Variants in SLC9A8 observed in about 807,000 individuals in gnomAD.
SLC9A8 encodes the protein sodium/hydrogen exchanger 8.
In SLC9A8, 48 loss-of-function variants were observed where a neutral mutation model predicts 66.6. The observed-to-expected ratio is 0.72, with a 90% CI of 0.57 to 0.92. SLC9A8 has a LOEUF of 0.92. Among genes scored for constraint, SLC9A8 ranks in the 40% least tolerant of loss-of-function variants. SLC9A8 has a pLI of 0.00. For synonymous variants in SLC9A8, 274 were observed against 282.6 expected (o/e 0.97, Z 0.31); for missense variants, 599 against 747.3 (o/e 0.80, Z 2.31).
chr20:49,888,254 C>G lies in SLC9A8; in HGVS notation c.*318C>G, dbSNP rs1031986160. On this transcript the variant is annotated 3_prime_UTR_variant, in exon 16 of 16. Transcript: ENST00000361573. The stretch of plus-strand genomic sequence containing the variant: ...TGTGAAGCTAGGGCGCCTACCCCCC[C>G]ACCCGGAGGACCCCTGCGGCCCCCT... 7 of 313,234 alleles carry G rather than the reference C, an allele frequency of 2.2e-5. No homozygotes were observed. Among genetic ancestry groups the G allele is most frequent in the Admixed American group, 4.8e-5 (1 of 20,956 alleles). 19.4% of individuals were successfully genotyped at this position (313,234 alleles called of 1,614,324 possible). A position where few individuals can be genotyped will look rare whatever the true frequency, so the allele number is the denominator to read the frequency against.
chr20:49,834,020 A>G (rs1311911609), intron 3 of SLC9A8, among the ~76,000 whole-genome samples: 1 of 151,658 alleles, frequency 6.6e-6, no homozygotes, highest in Non-Finnish European at 1.5e-5. Flanking sequence ...AGGCTGAGAC[A>G]GGCGGATCAC....
intron 3 of SLC9A8, among the ~76,000 whole-genome samples, chr20:49,831,418 TC>T (rs2087187720): frequency 6.6e-6 from 1 of 150,752 alleles, no homozygotes; most frequent in Non-Finnish European, 1.5e-5. Context: ...TCTCTCTCTC[TC>T]TCTCTCTCTC....
intron 11 of SLC9A8, among the ~76,000 whole-genome samples, chr20:49,875,440 A>G (rs140916816): frequency 0.016 from 2,479 of 152,296 alleles, 32 homozygotes; most frequent in Non-Finnish European, 0.024. Context: ...GAATTTTCCA[A>G]ACTTGTCCAC....
At chr20:49,836,149 A>G (rs1360416963) in intron 3 of SLC9A8, among the ~76,000 whole-genome samples, 3 of 152,184 alleles carry the variant, frequency 2.0e-5, no homozygotes, top group Non-Finnish European at 4.4e-5. Flanking sequence ...TGGACATTTC[A>G]TATAAATGGA....
At chr20:49,835,460 A>G (rs1012613140) in intron 3 of SLC9A8, among the ~76,000 whole-genome samples, 2 of 151,976 alleles carry the variant, frequency 1.3e-5, no homozygotes, top group Non-Finnish European at 2.9e-5. Context: ...ATTCCAGAAC[A>G]TTTTCATTAC....
At chr20:49,835,200 T>G (rs1356504454) in intron 3 of SLC9A8, among the ~76,000 whole-genome samples, 4 of 151,980 alleles carry the variant, frequency 2.6e-5, no homozygotes, top group Non-Finnish European at 5.9e-5. Flanking sequence ...GTTTGTTTTT[T>G]TTTTTGTGAA....
At chr20:49,828,919 A>ATGTG (rs140016053) in intron 3 of SLC9A8, among the ~76,000 whole-genome samples, 93 of 150,644 alleles carry the variant, frequency 6.2e-4, no homozygotes, top group African/African-American at 1.2e-3. Flanking sequence ...CACAGTATAG[A>ATGTG]TGTGTGTGTG....
intron 7 of SLC9A8, 135 bp from the exon 8 acceptor site, chr20:49,855,303 G>A: frequency 1.1e-6 from 1 of 902,090 alleles, no homozygotes; most frequent in East Asian, 2.5e-5. Flanking sequence ...GAAAAAATAC[G>A]CTACCTTCTG....
intron 3 of SLC9A8, among the ~76,000 whole-genome samples, chr20:49,826,951 CT>C (rs937839681): frequency 6.1e-5 from 9 of 147,674 alleles, no homozygotes; most frequent in Non-Finnish European, 9.0e-5. Flanking sequence ...ATTTATTTAT[CT>C]TTTTTTTTTC....
intron 15 of SLC9A8, 43 bp from the exon 16 acceptor site, chr20:49,887,786 T>C: frequency 1.3e-6 from 2 of 1,486,564 alleles, no homozygotes; most frequent in South Asian, 1.3e-5. Flanking sequence ...TCCATGGCCC[T>C]GCCCCTGACG....
At chr20:49,834,353 T>C (rs2087388523) in intron 3 of SLC9A8, among the ~76,000 whole-genome samples, 1 of 74,160 alleles carries the variant, frequency 1.3e-5, no homozygotes, top group African/African-American at 5.8e-5. Flanking sequence ...ATATACTGTA[T>C]ATATATATAT....
Position 49,883,847 on chromosome 20 carries a change from C to A in SLC9A8, c.1272C>A (p.Gly424=). The change falls in exon 14 of 16, where the codon GGC becomes GGA. Residue 424 remains glycine, a splice_region_variant and synonymous_variant. Coordinates refer to ENST00000361573, the MANE Select transcript of SLC9A8 (RefSeq NM_015266.3). ...PKMMFIMWFS[G]LRGAIPYALS... ...CTCACACTGTTTGCTGTCACCCAGGCCTGCGGGGAGCCATCCCCTATGCCC... is the reference window on the plus strand; with the variant it reads ...CTCACACTGTTTGCTGTCACCCAGGACTGCGGGGAGCCATCCCCTATGCCC... 1 of 1,604,206 alleles carries A rather than the reference C, an allele frequency of 6.2e-7. No homozygotes were observed. Among genetic ancestry groups the A allele is most frequent in the Non-Finnish European group, 8.5e-7 (1 of 1,179,172 alleles).
chr20:49,886,625 C>T lies in SLC9A8; in HGVS notation c.1492-127C>T. ...AGGAGGCCGTCTGCTGCCCGTCACC[C>T]TGCATTGATGGTCAAGTGGAGTTAG... On this transcript the variant is annotated intron_variant, in intron 14 of 15. Coordinates refer to ENST00000361573, the MANE Select transcript of SLC9A8 (RefSeq NM_015266.3). The surrounding 1 kb of genome is among the most constrained non-coding windows in gnomAD (Gnocchi z 4.8). 2 of 1,145,852 alleles carry T rather than the reference C, an allele frequency of 1.7e-6. No homozygotes were observed. Among genetic ancestry groups the T allele is most frequent in the East Asian group, 2.4e-5 (1 of 41,318 alleles). The allele number at this position is 1,145,852 out of a possible 1,614,324, so 71.0% of individuals were successfully genotyped here. A position where few individuals can be genotyped will look rare whatever the true frequency, so the allele number is the denominator to read the frequency against.
At chr20:49,831,733 C>A (rs1234283878) in intron 3 of SLC9A8, among the ~76,000 whole-genome samples, 1 of 152,202 alleles carries the variant, frequency 6.6e-6, no homozygotes, top group Non-Finnish European at 1.5e-5. Flanking sequence ...GAAAGATGTT[C>A]ATGTCTAAGT....
chr20:49,855,712 C>T (rs2088449630), intron 8 of SLC9A8, 131 bp downstream of exon 8: 1 of 837,190 alleles, frequency 1.2e-6, no homozygotes, highest in Admixed American at 2.8e-5. Flanking sequence ...CACCCACTCT[C>T]TTTCTCTGTA....
intron 5 of SLC9A8, among the ~76,000 whole-genome samples, 189 bp downstream of exon 5, chr20:49,845,308 T>A (rs1032517710): frequency 5.3e-5 from 8 of 152,238 alleles, no homozygotes; most frequent in Non-Finnish European, 1.0e-4. Flanking sequence ...ATGAATTGGC[T>A]GCTTTAATGG....
chr20:49,852,617 A>G (rs2088299432), intron 7 of SLC9A8, among the ~76,000 whole-genome samples: 1 of 152,180 alleles, frequency 6.6e-6, no homozygotes. Flanking sequence ...AAGAAAATAC[A>G]TTTTTAAGTT....
At position 49,888,156 on chromosome 20, in the gene SLC9A8, T is replaced by C; in HGVS notation, c.*220T>C. 1 of 477,764 alleles carries C rather than the reference T, an allele frequency of 2.1e-6. No homozygotes were observed. Among genetic ancestry groups the C allele is most frequent in the Non-Finnish European group, 3.9e-6 (1 of 259,654 alleles). The allele number at this position is 477,764 out of a possible 1,614,324, so 29.6% of individuals were successfully genotyped here. On this transcript the variant is annotated 3_prime_UTR_variant, in exon 16 of 16. Transcript: ENST00000361573. The stretch of plus-strand genomic sequence containing the variant: ...AAACTGTCATCTCCCGACTCCTCCC[T>C]GAGCCAGCCTCCGCTCAGTGTGGCT...
rs185204675 is a variant in SLC9A8 at position 49,888,145 on chromosome 20, C to G, written c.*209C>G. ...GACTTCTTGGGAAACTGTCATCTCC[C>G]GACTCCTCCCTGAGCCAGCCTCCGC... On this transcript the variant is annotated 3_prime_UTR_variant, in exon 16 of 16. Transcript: ENST00000361573. 15 of 498,844 alleles carry G rather than the reference C, an allele frequency of 3.0e-5. No individual in the cohort carries two copies. Among genetic ancestry groups the G allele is most frequent in the Admixed American group, 1.4e-4 (4 of 29,588 alleles). 30.9% of individuals were successfully genotyped at this position (498,844 alleles called of 1,614,324 possible).
Sources: gnomAD v4.1 joint callset for allele counts (sites outside exome capture counted in the v4.1 genomes callset) on GRCh38, gnomAD v4.1.1 for gene constraint, Gnocchi (gnomAD v3.1) non-coding constraint, MANE v1.5 for transcripts, NCBI Gene and HGNC (gene_info 2026-07-23, HGNC 2026-07-21) for gene names.